The following PARP1 variants were observed in gnomAD, a reference collection of about 807,000 sequenced individuals.
PARP1 encodes the protein poly(ADP-ribose) polymerase 1, also known as poly [ADP-ribose] polymerase 1.
PARP1 carries 44 observed loss-of-function variants against 118.7 expected under a neutral mutation model. The ratio of observed to expected loss-of-function variants is 0.37; its 90% CI spans 0.29 to 0.48. The LOEUF is 0.48. Ranked by LOEUF, PARP1 falls within the 20% of genes least tolerant of loss-of-function variation. The pLI, the probability that PARP1 is intolerant of heterozygous loss-of-function variation, is 0.99. For synonymous variants in PARP1, 492 were observed against 483.2 expected (o/e 1.02, Z -0.24); for missense variants, 1,100 against 1,272.4 (o/e 0.86, Z 2.06).
chr1:226,396,997 C>A (rs1473298771), intron 2 of PARP1, among the ~76,000 whole-genome samples: 1 of 151,878 alleles, frequency 6.6e-6, no homozygotes, highest in Non-Finnish European at 1.5e-5. Context: ...AGCCACAGAA[C>A]AACAAAAATG....
At position 226,367,483 on chromosome 1, in the gene PARP1, A is replaced by C; in HGVS notation, c.2403T>G (p.Ile801Met). 2.5e-6 allele frequency: 4 copies of C among 1,613,934 alleles called. No homozygotes were observed. Among genetic ancestry groups the C allele is most frequent in the Non-Finnish European group, 3.4e-6 (4 of 1,180,010 alleles). Residue 801 changes from isoleucine (I) to methionine (M), a missense_variant, in exon 17 of 23, where the codon ATT becomes ATG. Transcript: ENST00000366794. ...DVNYEKLKTD[I>M]KVVDRDSEEA... ...GAGGAAGGCCTGACCCTGTTACCTT[A>C]ATGTCAGTTTTGAGCTTCTCATAGT...
chr1:226,406,545 A>C (rs977642462), intron 1 of PARP1, among the ~76,000 whole-genome samples: 10 of 152,208 alleles, frequency 6.6e-5, no homozygotes, highest in African/African-American at 2.4e-4. Context: ...ACTCCTAGGC[A>C]CACAATGCCT....
At chr1:226,378,524 C>T (rs1439507191) in intron 12 of PARP1, among the ~76,000 whole-genome samples, 1 of 152,144 alleles carries the variant, frequency 6.6e-6, no homozygotes, top group Non-Finnish European at 1.5e-5. Context: ...TATGTAAAAT[C>T]AGAAAATCTT....
Position 226,370,507 on chromosome 1 carries a change from T to G in PARP1, c.2081A>C (p.Gln694Pro), listed in dbSNP as rs749893349. ...GCTCAGCTTCCCCAAGGGCATCTTC[T>G]GAAGGTCGATCTGAGGAGACAGGGG... ...KAMVEYEIDL[Q>P]KMPLGKLSKR... The change falls in exon 15 of 23, where the codon CAG becomes CCG. Residue 694 changes from glutamine to proline, a missense_variant. Gln to Pro is a moderately conservative substitution (Grantham distance 76). Around this residue, in one of 2 missense-constraint regions of PARP1, gnomAD observed 948 missense variants for 1,031.8 expected, o/e 0.92. Coordinates refer to ENST00000366794, the MANE Select transcript of PARP1 (RefSeq NM_001618.4). 6.2e-7 allele frequency: 1 copy of G among 1,613,632 alleles called. No individual in the cohort carries two copies. The highest frequency in any genetic ancestry group is 1.1e-5 in the South Asian group (1 of 91,074).
In PARP1 at chr1:226,385,656, T is replaced by C. The variant is rs773860428; in HGVS notation, c.859A>G (p.Met287Val). 8.7e-6 allele frequency: 14 copies of C among 1,614,130 alleles called. No homozygotes were observed. In the South Asian group the frequency reaches 1.4e-4, roughly 16 times the overall value. The change falls in exon 7 of 23, where the codon ATG becomes GTG. Residue 287 changes from methionine to valine, a missense_variant. Physicochemically the swap from Met to Val is conservative, Grantham distance 21. This residue lies in a region of PARP1 where 948 missense variants were observed against 1,031.8 expected (regional missense o/e 0.92). Transcript: ENST00000366794. ...SAILDRVADG[M>V]VFGALLPCEE... is the part of the protein sequence containing the mutation. ...CAGGGAAGGAGGGCACCGAACACCA[T>C]GCCATCAGCTACTCGGTCCAAGATC... is the stretch of plus-strand genomic sequence containing the variant.
At chr1:226,400,428 T>C (rs550724450) in intron 2 of PARP1, among the ~76,000 whole-genome samples, 1 of 152,230 alleles carries the variant, frequency 6.6e-6, no homozygotes, top group African/African-American at 2.4e-5. Flanking sequence ...AACTCTCAAA[T>C]AGAGTAAACA....
At chr1:226,389,124 G>A (rs1247874775) in intron 4 of PARP1, among the ~76,000 whole-genome samples, 1 of 152,090 alleles carries the variant, frequency 6.6e-6, no homozygotes, top group African/African-American at 2.4e-5. Context: ...GTTCTAGCCG[G>A]GACTAGGCTA....
At chr1:226,406,542 G>A (rs1665151337) in intron 1 of PARP1, among the ~76,000 whole-genome samples, 2 of 152,168 alleles carry the variant, frequency 1.3e-5, no homozygotes, top group South Asian at 2.1e-4. Context: ...CGGACTCCTA[G>A]GCACACAATG....
intron 1 of PARP1, among the ~76,000 whole-genome samples, chr1:226,402,636 C>T (rs1215010157): frequency 6.6e-6 from 1 of 152,258 alleles, no homozygotes; most frequent in Non-Finnish European, 1.5e-5. Context: ...GGACACCAAA[C>T]ACAGCCACGA....
rs1664489844 is a variant in PARP1, at chr1:226,376,487, G to A, written c.1941+621C>T. ...CATGACAGACCAGTCACATGATCAA[G>A]GGTGACCATGGGTTCAGATAAAAAG... On this transcript the variant is annotated intron_variant, in intron 13 of 22. Transcript: ENST00000366794. Among the ~76,000 whole-genome samples, 3 of 152,278 alleles carry A rather than the reference G, an allele frequency of 2.0e-5. No homozygotes were observed. In the South Asian group the frequency reaches 6.2e-4, roughly 32 times the overall value.
chr1:226,374,476 G>A (rs1359445053), intron 13 of PARP1, 122 bp from the exon 14 acceptor site: 5 of 1,133,172 alleles, frequency 4.4e-6, no homozygotes, highest in Non-Finnish European at 6.6e-6. Flanking sequence ...AAAAAAAGCT[G>A]AGTGTTAATC....
At chr1:226,364,425 AT>A (rs1664210593) in intron 19 of PARP1, 1 of 346,380 alleles carries the variant, frequency 2.9e-6, no homozygotes, top group Admixed American at 3.8e-5. Flanking sequence ...GCAGGCTGGT[AT>A]TTTTATTCCC....
intron 7 of PARP1, among the ~76,000 whole-genome samples, chr1:226,384,587 GGTCT>G (rs1664681898): frequency 1.3e-5 from 2 of 152,188 alleles, no homozygotes; most frequent in South Asian, 4.1e-4. Context: ...ACCACGTAAG[GGTCT>G]GTAAGATTTG....
chr1:226,402,158 T>C, intron 2 of PARP1, 56 bp downstream of exon 2: 1 of 1,614,136 alleles, frequency 6.2e-7, no homozygotes, highest in Non-Finnish European at 8.5e-7. Context: ...GACGAGGCCC[T>C]CCTGGGAGCT....
At position 226,361,159 on chromosome 1, in the gene PARP1, T is replaced by C. The variant is rs1278001479; in HGVS notation, c.*301A>G. 4 of 438,290 alleles carry C rather than the reference T, an allele frequency of 9.1e-6. No individual in the cohort carries two copies. Among genetic ancestry groups the C allele is most frequent in the African/African-American group, 2.0e-5 (1 of 51,204 alleles). 27.2% of individuals were successfully genotyped at this position (438,290 alleles called of 1,614,324 possible). On this transcript the variant is annotated 3_prime_UTR_variant, in exon 23 of 23. Coordinates refer to ENST00000366794, the MANE Select transcript of PARP1 (RefSeq NM_001618.4). Reference sequence around the variant, plus strand: ...AGACATTCTAACGAAGCTTGGTTTTTTCCATAGGACTAGTCTATGCAACAG... The same window carrying C: ...AGACATTCTAACGAAGCTTGGTTTTCTCCATAGGACTAGTCTATGCAACAG...
intron 2 of PARP1, among the ~76,000 whole-genome samples, chr1:226,394,668 G>A (rs543086159): frequency 4.6e-5 from 7 of 152,292 alleles, no homozygotes; most frequent in African/African-American, 1.7e-4. Flanking sequence ...AGTCCCAGCT[G>A]CTCAGCAGAC....
At chr1:226,395,037 C>A (rs935984194) in intron 2 of PARP1, among the ~76,000 whole-genome samples, 10 of 151,988 alleles carry the variant, frequency 6.6e-5, no homozygotes, top group Admixed American at 1.3e-4. Flanking sequence ...AAAGTACTAA[C>A]AGGTCAACAT....
intron 14 of PARP1, among the ~76,000 whole-genome samples, chr1:226,373,208 T>C (rs950094326): frequency 6.6e-6 from 1 of 152,168 alleles, no homozygotes; most frequent in African/African-American, 2.4e-5. Context: ...GAGGAAGGAC[T>C]TGGGAAGACA....
Position 226,386,395 on chromosome 1 carries a change from C to T in PARP1, c.765G>A (p.Val255=), listed in dbSNP as rs371048793. 17 of 1,614,018 alleles carry T rather than the reference C, an allele frequency of 1.1e-5. No homozygotes were observed. The highest frequency in any genetic ancestry group is 1.4e-5 in the Non-Finnish European group (16 of 1,179,980). ...GCTCCTTCAGGTCATTAGTTGAACACACTTTCTTTAGCTCGTCCTTGATGT... is the reference window on the plus strand; with the variant it reads ...GCTCCTTCAGGTCATTAGTTGAACATACTTTCTTTAGCTCGTCCTTGATGT... The part of the protein sequence containing the change: ...IWNIKDELKK[V]CSTNDLKELL... The change falls in exon 6 of 23, where the codon GTG becomes GTA. Residue 255 remains valine (V), a synonymous_variant. Transcript: ENST00000366794.
Sources: gnomAD v4.1 joint callset for allele counts (sites outside exome capture counted in the v4.1 genomes callset) on GRCh38, gnomAD v4.1.1 for gene constraint, gnomAD v4.1.1 regional missense constraint, MANE v1.5 for transcripts, NCBI Gene and HGNC (gene_info 2026-07-23, HGNC 2026-07-21) for gene names.